The following NYAP2 variants were observed in gnomAD, a reference collection of about 807,000 sequenced individuals.
NYAP2 encodes the protein neuronal tyrosine-phosphorylated phosphoinositide-3-kinase adapter 2.
NYAP2 carries 23 observed loss-of-function variants against 50.4 expected under a neutral mutation model. The ratio of observed to expected loss-of-function variants is 0.46; its 90% CI spans 0.33 to 0.65. NYAP2 has a LOEUF of 0.65. Ranked by LOEUF, NYAP2 falls within the 30% of genes least tolerant of loss-of-function variation. The pLI, the probability that NYAP2 is intolerant of heterozygous loss-of-function variation, is 0.02. For missense variants in NYAP2, 885 were observed against 861.0 expected, an observed-to-expected ratio of 1.03 and a Z score of -0.35; for synonymous variants, 394 against 365.2, an observed-to-expected ratio of 1.08 and a Z score of -0.90.
chr2:225,439,254 T>A (rs1028174582), intron 3 of NYAP2, among the ~76,000 whole-genome samples: 53 of 152,112 alleles, frequency 3.5e-4, no homozygotes, highest in African/African-American at 1.3e-3. Flanking sequence ...AAAAAATAGA[T>A]CATGGATTCT....
chr2:225,519,913 C>G (rs951414465), intron 4 of NYAP2, among the ~76,000 whole-genome samples: 7 of 152,114 alleles, frequency 4.6e-5, no homozygotes, highest in Non-Finnish European at 8.8e-5. Context: ...TCCTATTTCT[C>G]CACATCCTCT....
At chr2:225,478,581 A>G (rs1690156286) in intron 3 of NYAP2, among the ~76,000 whole-genome samples, 1 of 152,198 alleles carries the variant, frequency 6.6e-6, no homozygotes, top group South Asian at 2.1e-4. Context: ...TCAAGCCTGA[A>G]GGTGGGGATA....
chr2:225,543,750 A>G (rs1691517880), intron 4 of NYAP2, among the ~76,000 whole-genome samples: 1 of 152,060 alleles, frequency 6.6e-6, no homozygotes, highest in African/African-American at 2.4e-5. Flanking sequence ...GTTGTATAAA[A>G]TGTTCTATAA....
intron 4 of NYAP2, among the ~76,000 whole-genome samples, chr2:225,550,873 T>A (rs1481029171): frequency 6.6e-6 from 1 of 152,040 alleles, no homozygotes; most frequent in Non-Finnish European, 1.5e-5. Flanking sequence ...TTGGTTTGAG[T>A]TTTATTGGGT....
intron 3 of NYAP2, among the ~76,000 whole-genome samples, chr2:225,490,565 A>G (rs1222460177): frequency 6.6e-6 from 1 of 152,156 alleles, no homozygotes; most frequent in South Asian, 2.1e-4. Flanking sequence ...GTTCTACAGC[A>G]AGGCCTCCTG....
intron 5 of NYAP2, among the ~76,000 whole-genome samples, chr2:225,612,497 T>C (rs1692907738): frequency 6.6e-6 from 1 of 151,974 alleles, no homozygotes; most frequent in African/African-American, 2.4e-5. Context: ...GGTGAGTGTT[T>C]TAGTTTGCTC....
In NYAP2 at chr2:225,498,598, C is replaced by T. The variant is rs116633607; in HGVS notation, c.222-14773C>T. Among the ~76,000 whole-genome samples the T allele has an allele frequency of 2.1e-3, 310 of 149,926 alleles. 2 individuals carry two copies. Among genetic ancestry groups the T allele is most frequent in the African/African-American group, 7.3e-3 (298 of 40,630 alleles). ...TTTTTTTTTTTTAGGTCAATGAATGCATTATTGCTAGGGAAAACTGAGACA... is the reference window on the plus strand; with the variant it reads ...TTTTTTTTTTTTAGGTCAATGAATGTATTATTGCTAGGGAAAACTGAGACA... On this transcript the variant is annotated intron_variant, in intron 3 of 6. Transcript: ENST00000636099.
intron 3 of NYAP2, among the ~76,000 whole-genome samples, chr2:225,442,712 A>T (rs1574617033): frequency 6.6e-6 from 1 of 152,038 alleles, no homozygotes; most frequent in Admixed American, 6.6e-5. Flanking sequence ...AGTAGCTGGG[A>T]CTACAGGCAC....
At chr2:225,462,947 T>C (rs1036970005) in intron 3 of NYAP2, among the ~76,000 whole-genome samples, 1 of 152,230 alleles carries the variant, frequency 6.6e-6, no homozygotes, top group East Asian at 1.9e-4. Context: ...GTACTAATGA[T>C]CTGTAGCAGA....
chr2:225,663,789 C>A, the NYAP2 span, among the ~76,000 whole-genome samples: 1 of 152,126 alleles, frequency 6.6e-6, no homozygotes, highest in Non-Finnish European at 1.5e-5. Flanking sequence ...ATCTCTTGAC[C>A]TTGTGATCTG....
intron 5 of NYAP2, among the ~76,000 whole-genome samples, chr2:225,589,096 C>G (rs921515061): frequency 6.6e-6 from 1 of 151,890 alleles, no homozygotes; most frequent in African/African-American, 2.4e-5. Flanking sequence ...AATATCAAAT[C>G]AAAAATCAGT....
chr2:225,538,773 TTTTCTTTTC>T (rs1416000593), intron 4 of NYAP2, among the ~76,000 whole-genome samples: 12 of 95,800 alleles, frequency 1.3e-4, no homozygotes, highest in East Asian at 3.4e-4. Context: ...TTTTCTTTTC[TTTTCTTTTC>T]TTTCTTTCTT....
intron 4 of NYAP2, among the ~76,000 whole-genome samples, chr2:225,516,085 T>C (rs1162734637): frequency 6.6e-6 from 1 of 151,992 alleles, no homozygotes; most frequent in Non-Finnish European, 1.5e-5. Context: ...AGAGTGAAAG[T>C]ATGGAGAAAA....
At chr2:225,463,762 C>T (rs796800991) in intron 3 of NYAP2, among the ~76,000 whole-genome samples, 15 of 152,280 alleles carry the variant, frequency 9.9e-5, no homozygotes, top group African/African-American at 3.6e-4. Context: ...TTAGTAAGCA[C>T]TGGGGTGATG....
chr2:225,474,653 T>C (rs1690072545), intron 3 of NYAP2, among the ~76,000 whole-genome samples: 1 of 152,210 alleles, frequency 6.6e-6, no homozygotes, highest in Admixed American at 6.5e-5. Context: ...TTTTTGCACA[T>C]TGATTTTGTA....
chr2:225,509,518 A>G (rs1690772126), intron 3 of NYAP2, among the ~76,000 whole-genome samples: 1 of 151,446 alleles, frequency 6.6e-6, no homozygotes, highest in South Asian at 2.1e-4. Context: ...GCTCAAGCAA[A>G]CCTCCCACCT....
chr2:225,530,207 C>A (rs1691229922), intron 4 of NYAP2, among the ~76,000 whole-genome samples: 2 of 152,086 alleles, frequency 1.3e-5, no homozygotes, highest in South Asian at 4.1e-4. Flanking sequence ...GGTGAATGTA[C>A]CCCAGAGCAG....
the NYAP2 span, among the ~76,000 whole-genome samples, chr2:225,672,075 T>C: frequency 4.6e-5 from 7 of 152,136 alleles, no homozygotes; most frequent in Non-Finnish European, 8.8e-5. Context: ...TAAATGAGCA[T>C]TGGCTTCAAC....
chr2:225,502,034 C>A (rs2106178254), intron 3 of NYAP2, among the ~76,000 whole-genome samples: 1 of 152,302 alleles, frequency 6.6e-6, no homozygotes, highest in African/African-American at 2.4e-5. Flanking sequence ...GGCATAGAAT[C>A]CAGACCTTAA....
Sources: gnomAD v4.1 joint callset for allele counts (sites outside exome capture counted in the v4.1 genomes callset) on GRCh38, gnomAD v4.1.1 for gene constraint, MANE v1.5 for transcripts, NCBI Gene and HGNC (gene_info 2026-07-23, HGNC 2026-07-21) for gene names.